The following TMEM132D variants were observed in gnomAD, a reference collection of about 807,000 sequenced individuals.
The protein encoded by TMEM132D is mature OL transmembrane protein.
Under a neutral mutation model 62.3 loss-of-function variants are expected in TMEM132D, and 21 were observed. The ratio of observed to expected loss-of-function variants is 0.34; its 90% CI spans 0.24 to 0.49. The LOEUF (loss-of-function observed/expected upper bound fraction) is 0.49, where lower values mean the gene tolerates loss of function less well. Ranked by LOEUF, TMEM132D falls within the 20% of genes least tolerant of loss-of-function variation. TMEM132D has a pLI of 0.99. For missense variants in TMEM132D, 1,346 were observed against 1,402.8 expected (o/e 0.96, Z 0.65); for synonymous variants, 621 against 575.6 (o/e 1.08, Z -1.13).
At position 129,125,499 on chromosome 12, in the gene TMEM132D, A is replaced by ATTTTTTTTTTTTTTTTTTTTTTTT. The variant is rs1565972138; in HGVS notation, c.1444-40798_1444-40797insAAAAAAAAAAAAAAAAAAAAAAAA. ...GATGTGACGATGTCGAATTACTATG[A>ATTTTTTTTTTTTTTTTTTTTTTTT]GTTTTTTTTTTTTTTTTTTTTTTGA... On this transcript the variant is annotated intron_variant, in intron 5 of 8. Transcript: ENST00000422113. 2.3e-5 allele frequency among the ~76,000 whole-genome samples: 3 copies of ATTTTTTTTTTTTTTTTTTTTTTTT among 127,834 alleles called. 1 individual carries two copies. The highest frequency in any genetic ancestry group is 3.2e-5 in the Non-Finnish European group (2 of 61,894). 83.9% of individuals were successfully genotyped at this position (127,834 alleles called of 152,430 possible).
chr12:129,145,358 G>T (rs576657112), intron 5 of TMEM132D, among the ~76,000 whole-genome samples: 1 of 152,178 alleles, frequency 6.6e-6, no homozygotes, highest in African/African-American at 2.4e-5. Context: ...TTTACTTGGC[G>T]GGTGGGGGGT....
At chr12:129,896,323 G>A (rs1875129884) in intron 1 of TMEM132D, among the ~76,000 whole-genome samples, 1 of 152,124 alleles carries the variant, frequency 6.6e-6, no homozygotes, top group Non-Finnish European at 1.5e-5. Flanking sequence ...GCTGTTCCAA[G>A]AGGCAGTGGC....
intron 4 of TMEM132D, among the ~76,000 whole-genome samples, chr12:129,234,905 C>T (rs1241654289): frequency 2.6e-5 from 4 of 152,042 alleles, no homozygotes; most frequent in Admixed American, 6.6e-5. Flanking sequence ...TGTTAAACTC[C>T]ATTAAACATG....
At chr12:129,129,049 C>T (rs1276260581) in intron 5 of TMEM132D, among the ~76,000 whole-genome samples, 1 of 152,116 alleles carries the variant, frequency 6.6e-6, no homozygotes, top group African/African-American at 2.4e-5. Context: ...GGGTATATTG[C>T]ATGATGCTGA....
intron 5 of TMEM132D, among the ~76,000 whole-genome samples, chr12:129,139,617 A>G (rs982855684): frequency 3.9e-4 from 60 of 152,230 alleles, no homozygotes; most frequent in African/African-American, 1.4e-3. Flanking sequence ...TCAAATAAGC[A>G]GTTGACTACT....
At chr12:129,160,505 A>T (rs1877371312) in intron 5 of TMEM132D, among the ~76,000 whole-genome samples, 1 of 152,244 alleles carries the variant, frequency 6.6e-6, no homozygotes, top group African/African-American at 2.4e-5. Flanking sequence ...GAATCTGCTG[A>T]CATCCCTCTT....
intron 2 of TMEM132D, among the ~76,000 whole-genome samples, chr12:129,550,360 C>T (rs1780849538): frequency 6.6e-6 from 1 of 152,140 alleles, no homozygotes; most frequent in South Asian, 2.1e-4. Flanking sequence ...ATTTGTCTAA[C>T]AAGGGATTAA....
chr12:129,675,221 C>A (rs192651363), intron 2 of TMEM132D, among the ~76,000 whole-genome samples: 2 of 152,256 alleles, frequency 1.3e-5, no homozygotes, highest in East Asian at 3.9e-4. Context: ...ATGTCCTTTG[C>A]AGGGGCATGG....
At chr12:129,084,211 A>G (rs1331060771) in intron 6 of TMEM132D, among the ~76,000 whole-genome samples, 7 of 152,178 alleles carry the variant, frequency 4.6e-5, no homozygotes, top group Admixed American at 2.6e-4. Context: ...GGGAGGCCAC[A>G]AAATCCCAGT....
At chr12:129,394,595 G>A (rs572820274) in intron 3 of TMEM132D, among the ~76,000 whole-genome samples, 1 of 152,382 alleles carries the variant, frequency 6.6e-6, no homozygotes, top group South Asian at 2.1e-4. Flanking sequence ...AGGGACACCC[G>A]TGAGGAGGAC....
chr12:129,209,644 G>A lies in TMEM132D; in HGVS notation c.1319C>T (p.Thr440Ile), dbSNP rs1356891229. 4 of 1,614,190 alleles carry A rather than the reference G, an allele frequency of 2.5e-6. No homozygotes were observed. The Admixed American group carries it at 5.0e-5, about 20-fold the overall frequency. ...PLAMEAEILN[T>I]AILTGKTVAV... The stretch of plus-strand genomic sequence containing the variant: ...CACCGTCTTCCCCGTGAGGATGGCT[G>A]TGTTCAGGATTTCTGCCTCCTGGAA... The change falls in exon 5 of 9, where the codon ACA becomes ATA. Residue 440 changes from threonine to isoleucine, a missense_variant. Coordinates refer to ENST00000422113, the MANE Select transcript of TMEM132D (RefSeq NM_133448.3).
rs558620131 is a variant in TMEM132D at position 129,118,285 on chromosome 12, G to A, written c.1444-33583C>T. ...CAATTTTTCTTTAGACATAAGAGATGGAGATGGAAAAGGTGGTGCTTTGAG... is the reference window on the plus strand; with the variant it reads ...CAATTTTTCTTTAGACATAAGAGATAGAGATGGAAAAGGTGGTGCTTTGAG... On this transcript the variant is annotated intron_variant, in intron 5 of 8. Coordinates refer to ENST00000422113, the MANE Select transcript of TMEM132D (RefSeq NM_133448.3). Among the ~76,000 whole-genome samples, 116 of 152,338 alleles carry A rather than the reference G, an allele frequency of 7.6e-4. 1 individual carries two copies. The highest frequency in any genetic ancestry group is 1.3e-3 in the Non-Finnish European group (86 of 68,028).
chr12:129,521,374 G>A (rs767829193), intron 3 of TMEM132D: 5 of 152,248 alleles, frequency 3.3e-5, no homozygotes, highest in Non-Finnish European at 7.4e-5. Context: ...AGCTTTTAAC[G>A]CTACCCCTGA....
chr12:129,589,505 A>G (rs1378567437), intron 2 of TMEM132D, among the ~76,000 whole-genome samples: 1 of 152,224 alleles, frequency 6.6e-6, no homozygotes, highest in African/African-American at 2.4e-5. Flanking sequence ...CGATTCAAGT[A>G]TACAAATAAG....
intron 4 of TMEM132D, among the ~76,000 whole-genome samples, chr12:129,297,748 G>C (rs114580875): frequency 1.3e-5 from 2 of 152,122 alleles, no homozygotes; most frequent in Non-Finnish European, 2.9e-5. Flanking sequence ...GTTATCAAAC[G>C]ACCTCATCGC....
At chr12:129,449,088 C>T (rs146754980) in intron 3 of TMEM132D, among the ~76,000 whole-genome samples, 12 of 152,110 alleles carry the variant, frequency 7.9e-5, no homozygotes, top group East Asian at 3.9e-4. Flanking sequence ...TTTTATCTTC[C>T]GGATAAAGTG....
At chr12:129,688,922 G>A (rs1309627778) in intron 2 of TMEM132D, among the ~76,000 whole-genome samples, 1 of 152,106 alleles carries the variant, frequency 6.6e-6, no homozygotes, top group Non-Finnish European at 1.5e-5. Context: ...CCATAATCTA[G>A]TCCAGGATTC....
intron 4 of TMEM132D, among the ~76,000 whole-genome samples, chr12:129,258,217 A>G (rs1402380541): frequency 1.3e-5 from 2 of 152,182 alleles, no homozygotes; most frequent in East Asian, 1.9e-4. Context: ...CACTTCATTT[A>G]CAGGGTTGTT....
At chr12:129,783,434 A>C (rs1302146550) in intron 1 of TMEM132D, among the ~76,000 whole-genome samples, 1 of 152,170 alleles carries the variant, frequency 6.6e-6, no homozygotes, top group Non-Finnish European at 1.5e-5. Context: ...TGCCACATAC[A>C]CATCCTCCTA....
Sources: gnomAD v4.1 joint callset for allele counts (sites outside exome capture counted in the v4.1 genomes callset) on GRCh38, gnomAD v4.1.1 for gene constraint, MANE v1.5 for transcripts, NCBI Gene and HGNC (gene_info 2026-07-23, HGNC 2026-07-21) for gene names.